CRIM1: variants seen among roughly 807,000 people sequenced by gnomAD.
The protein encoded by CRIM1 is cysteine-rich motor neuron 1 protein.
A neutral mutation model predicts 116.4 loss-of-function variants in CRIM1; 32 were observed. The observed-to-expected ratio is 0.27, with a 90% CI of 0.21 to 0.37. CRIM1 has a LOEUF of 0.37. Among genes scored for constraint, CRIM1 ranks in the 10% least tolerant of loss-of-function variants. The pLI, the probability that CRIM1 is intolerant of heterozygous loss-of-function variation, is 1.00. For missense variants in CRIM1, 1,331 were observed against 1,354.8 expected (o/e 0.98, Z 0.28); for synonymous variants, 590 against 509.2 (o/e 1.16, Z -2.13).
At chr2:36,372,710 C>G (rs1188821843) in intron 1 of CRIM1, among the ~76,000 whole-genome samples, 1 of 152,176 alleles carries the variant, frequency 6.6e-6, no homozygotes, top group Non-Finnish European at 1.5e-5. Flanking sequence ...GTTTACGATG[C>G]TCATCTCATA....
chr2:36,513,023 G>A (rs1664795357), intron 10 of CRIM1, among the ~76,000 whole-genome samples: 1 of 152,172 alleles, frequency 6.6e-6, no homozygotes, highest in African/African-American at 2.4e-5. Context: ...TCAGCATGAT[G>A]CACAGATTAA....
intron 2 of CRIM1, among the ~76,000 whole-genome samples, chr2:36,403,401 T>C (rs917960851): frequency 6.6e-6 from 1 of 152,246 alleles, no homozygotes; most frequent in African/African-American, 2.4e-5. Flanking sequence ...CTATACATCA[T>C]TGTTTTATAT....
intron 13 of CRIM1, among the ~76,000 whole-genome samples, chr2:36,533,405 A>G (rs1666251587): frequency 6.8e-6 from 1 of 146,910 alleles, no homozygotes; most frequent in South Asian, 2.2e-4. Context: ...CCTGGCCAAC[A>G]CAATGAGACC....
At chr2:36,445,698 G>C (rs1425689075) in intron 4 of CRIM1, among the ~76,000 whole-genome samples, 1 of 152,032 alleles carries the variant, frequency 6.6e-6, no homozygotes, top group African/African-American at 2.4e-5. Context: ...AGCATATTCA[G>C]TGGATTCCTG....
At chr2:36,360,807 C>T (rs904621984) in intron 1 of CRIM1, among the ~76,000 whole-genome samples, 4 of 152,110 alleles carry the variant, frequency 2.6e-5, no homozygotes, top group Non-Finnish European at 5.9e-5. Flanking sequence ...TTTTAATTCA[C>T]TCATTAAGTA....
intron 2 of CRIM1, among the ~76,000 whole-genome samples, chr2:36,420,281 A>G (rs749182488): frequency 6.6e-6 from 1 of 152,218 alleles, no homozygotes. Flanking sequence ...TATATATCAG[A>G]TGTCCCCAGG....
At chr2:36,369,559 G>T (rs1323021513) in intron 1 of CRIM1, among the ~76,000 whole-genome samples, 1 of 152,142 alleles carries the variant, frequency 6.6e-6, no homozygotes, top group Non-Finnish European at 1.5e-5. Flanking sequence ...ATGTTTGCAG[G>T]GGGAGCTTTT....
chr2:36,442,511 G>A (rs1439843682), intron 3 of CRIM1, 104 bp from the exon 4 acceptor site: 2 of 1,400,918 alleles, frequency 1.4e-6, no homozygotes, highest in Admixed American at 1.7e-5. Context: ...GTTTGTGGAA[G>A]CAAGGAGACT....
chr2:36,547,279 G>C, intron 16 of CRIM1, 108 bp downstream of exon 16: 1 of 824,884 alleles, frequency 1.2e-6, no homozygotes, highest in Non-Finnish European at 2.0e-6. Context: ...TTTTTACTTT[G>C]CTCTTCATAG....
chr2:36,458,526 C>T (rs559753447), intron 4 of CRIM1, among the ~76,000 whole-genome samples: 48 of 152,192 alleles, frequency 3.2e-4, no homozygotes, highest in South Asian at 6.2e-4. Context: ...CATGTTGTTT[C>T]TTTTCCGGCC....
Position 36,523,385 on chromosome 2 carries a change from G to A in CRIM1, c.2428+1072G>A, listed in dbSNP as rs534396498. Among the ~76,000 whole-genome samples, 584 of 152,312 alleles carry A rather than the reference G, an allele frequency of 3.8e-3. 3 individuals carry two copies. Among genetic ancestry groups the A allele is most frequent in the Non-Finnish European group, 6.8e-3 (465 of 68,026 alleles). On this transcript the variant is annotated intron_variant, in intron 13 of 16. Coordinates refer to ENST00000280527, the MANE Select transcript of CRIM1 (RefSeq NM_016441.3). ...TAGAGCCCTCACCTTCTTGTGACCC[G>A]TGGTGGTGATGCATCTTTGTGAGCA...
chr2:36,408,396 G>A (rs1273778487), intron 2 of CRIM1, among the ~76,000 whole-genome samples: 2 of 152,222 alleles, frequency 1.3e-5, no homozygotes, highest in South Asian at 2.1e-4. Context: ...GTAACACAGA[G>A]CTGCTGAGTT....
intron 15 of CRIM1, among the ~76,000 whole-genome samples, chr2:36,545,125 C>T (rs756669122): frequency 1.4e-4 from 21 of 152,130 alleles, no homozygotes; most frequent in Admixed American, 4.6e-4. Flanking sequence ...TGCTCTTAGC[C>T]GTGACTCAGT....
At chr2:36,538,639 A>T (rs1446902246) in intron 14 of CRIM1, among the ~76,000 whole-genome samples, 1 of 152,330 alleles carries the variant, frequency 6.6e-6, no homozygotes, top group South Asian at 2.1e-4. Context: ...ACTAGCCCCA[A>T]TTGAGCATTT....
At chr2:36,397,706 A>G (rs1011147748) in intron 2 of CRIM1, among the ~76,000 whole-genome samples, 6 of 152,202 alleles carry the variant, frequency 3.9e-5, no homozygotes, top group Non-Finnish European at 8.8e-5. Context: ...TTGGAAATGT[A>G]CTTAGTTTCC....
intron 13 of CRIM1, among the ~76,000 whole-genome samples, chr2:36,531,034 T>C (rs1038543463): frequency 6.6e-6 from 1 of 152,226 alleles, no homozygotes; most frequent in Admixed American, 6.5e-5. Context: ...GCCCCCGTTA[T>C]AGTACTGTGT....
In CRIM1 at chr2:36,476,793, C is replaced by T. The variant is rs561130616; in HGVS notation, c.992-96C>T. 5 of 945,100 alleles carry T rather than the reference C, an allele frequency of 5.3e-6. No homozygotes were observed. The South Asian group carries it at 6.4e-5, about 12-fold the overall frequency. 58.5% of individuals were successfully genotyped at this position (945,100 alleles called of 1,614,324 possible). A position where few individuals can be genotyped will look rare whatever the true frequency, so the allele number is the denominator to read the frequency against. ...GTAAATTTCCATCAACTTATAACCT[C>T]CTATTAGAAATTTTCTAGAGGCTGT... is the stretch of plus-strand genomic sequence containing the variant. On this transcript the variant is annotated intron_variant, in intron 5 of 16. Transcript: ENST00000280527.
At chr2:36,500,456 G>A (rs541838286) in intron 8 of CRIM1, among the ~76,000 whole-genome samples, 1 of 152,214 alleles carries the variant, frequency 6.6e-6, no homozygotes, top group South Asian at 2.1e-4. Flanking sequence ...AAAAACACTA[G>A]GAACTTTTTT....
chr2:36,408,636 C>T (rs1672990293), intron 2 of CRIM1, among the ~76,000 whole-genome samples: 1 of 152,160 alleles, frequency 6.6e-6, no homozygotes, highest in Non-Finnish European at 1.5e-5. Flanking sequence ...GAGCTGCAGC[C>T]CCAGGCTTGT....
Sources: allele counts gnomAD v4.1 joint callset (sites outside exome capture counted in the v4.1 genomes callset), GRCh38; gene constraint gnomAD v4.1.1; transcripts MANE v1.5; gene names NCBI Gene and HGNC (gene_info 2026-07-23, HGNC 2026-07-21).